TPR: variants seen among roughly 807,000 people sequenced by gnomAD.
TPR encodes the protein translocated promoter region, nuclear basket protein.
Under a neutral mutation model 316.1 loss-of-function variants are expected in TPR, and 51 were observed. The observed-to-expected ratio is 0.16, with a 90% CI of 0.13 to 0.20. The LOEUF (loss-of-function observed/expected upper bound fraction) is 0.20. TPR is among the 10% of genes least tolerant of loss of function. TPR has a pLI of 1.00. For synonymous variants in TPR, 981 were observed against 914.7 expected (o/e 1.07, Z -1.31); for missense variants, 2,272 against 2,754.8 (o/e 0.82, Z 3.92).
intron 9 of TPR, among the ~76,000 whole-genome samples, 161 bp downstream of exon 9, chr1:186,361,461 A>G (rs1198016025): frequency 6.6e-6 from 1 of 151,902 alleles, no homozygotes; most frequent in East Asian, 1.9e-4. Flanking sequence ...TTTGCTTAAG[A>G]TATAATTCTG....
intron 38 of TPR, 138 bp downstream of exon 38, chr1:186,332,057 T>C: frequency 1.2e-6 from 1 of 867,830 alleles, no homozygotes; most frequent in Non-Finnish European, 1.6e-6. Context: ...AGTGGAATCT[T>C]TGTAGAAAGT....
rs1408383826 is a variant in TPR at position 186,344,096 on chromosome 1, A to G, written c.3418-6T>C. On this transcript the variant is annotated splice_region_variant and splice_polypyrimidine_tract_variant and intron_variant, in intron 25 of 50. Transcript: ENST00000367478. Reference sequence around the variant, plus strand: ...ACACATTTGGAAACTTCATCCTGCAAGCCAAGAGTCTATCAGAATAACAGA... The same window carrying G: ...ACACATTTGGAAACTTCATCCTGCAGGCCAAGAGTCTATCAGAATAACAGA... 6.2e-7 allele frequency: 1 copy of G among 1,610,674 alleles called. No homozygotes were observed. Among genetic ancestry groups the G allele is most frequent in the East Asian group, 2.2e-5 (1 of 44,848 alleles).
Position 186,360,863 on chromosome 1 carries a change from G to T in TPR, c.1001C>A (p.Ser334Tyr), listed in dbSNP as rs777546684. ...CATTTCTTTTTCCATTTGATCTTTG[G>T]ATTGCTCCACCTCTAGAAGATGATC... ...IQDHLLEVEQSKDQMEKEMLE... is the reference protein window; with the variant it reads ...IQDHLLEVEQYKDQMEKEMLE... Residue 334 changes from serine to tyrosine, a missense_variant, in exon 10 of 51, where the codon TCC becomes TAC. Physicochemically the swap from Ser to Tyr is moderately radical, Grantham distance 144 (BLOSUM62 -2). This residue lies in a region of TPR where 549 missense variants were observed against 598.6 expected (regional missense o/e 0.92). Transcript: ENST00000367478. The T allele has an allele frequency of 6.2e-7, 1 of 1,612,488 alleles. No homozygotes were observed. The highest frequency in any genetic ancestry group is 8.5e-7 in the Non-Finnish European group (1 of 1,179,154).
intron 46 of TPR, 55 bp downstream of exon 46, chr1:186,320,255 AAT>A: frequency 7.1e-7 from 1 of 1,412,876 alleles, no homozygotes; most frequent in East Asian, 2.4e-5. Flanking sequence ...ATCACATCTT[AAT>A]AGTTTATTAC....
At position 186,312,183 on chromosome 1, in the gene TPR, A is replaced by G; in HGVS notation, c.*1788T>C. 1 of 1,613,804 alleles carries G rather than the reference A, an allele frequency of 6.2e-7. No individual in the cohort carries two copies. Among genetic ancestry groups the G allele is most frequent in the Non-Finnish European group, 8.5e-7 (1 of 1,179,720 alleles). On this transcript the variant is annotated 3_prime_UTR_variant, in exon 51 of 51. Transcript: ENST00000367478. The stretch of plus-strand genomic sequence containing the variant: ...ATTCTAATACATAACAGGTGGCAGC[A>G]TTCAGCAGTATATTTATAAACAGGA...
chr1:186,367,503 A>G (rs1659386163), intron 4 of TPR, among the ~76,000 whole-genome samples: 1 of 152,232 alleles, frequency 6.6e-6, no homozygotes, highest in Non-Finnish European at 1.5e-5. Context: ...TAGGCTGAGT[A>G]TATGTTCTTA....
At chr1:186,345,158 C>T (rs909875301) in intron 24 of TPR, among the ~76,000 whole-genome samples, 2 of 133,774 alleles carry the variant, frequency 1.5e-5, no homozygotes, top group Admixed American at 1.5e-4. Flanking sequence ...ACTTTTTTAA[C>T]ATTTTATAAA....
At chr1:186,314,526 G>T in intron 50 of TPR, 103 bp downstream of exon 50, 1 of 818,058 alleles carries the variant, frequency 1.2e-6, no homozygotes. Context: ...ATAAAACTTT[G>T]GAACATTAAA....
chr1:186,365,804 G>C (rs1386485698), intron 4 of TPR, among the ~76,000 whole-genome samples: 2 of 152,110 alleles, frequency 1.3e-5, no homozygotes, highest in African/African-American at 4.8e-5. Flanking sequence ...AGAGATTGTG[G>C]ATATGGCAAA....
chr1:186,312,866 C>G lies in TPR; in HGVS notation c.*1105G>C. ...CACTGCCCAACATCAGAAAACCTGA[C>G]GGCTATGATTACTATGCCTTTTCTA... is the stretch of plus-strand genomic sequence containing the variant. On this transcript the variant is annotated 3_prime_UTR_variant, in exon 51 of 51. Transcript: ENST00000367478. 1 of 1,612,428 alleles carries G rather than the reference C, an allele frequency of 6.2e-7. No homozygotes were observed. Among genetic ancestry groups the G allele is most frequent in the Non-Finnish European group, 8.5e-7 (1 of 1,178,562 alleles).
At chr1:186,366,106 G>T (rs550138058) in intron 4 of TPR, among the ~76,000 whole-genome samples, 36 of 152,314 alleles carry the variant, frequency 2.4e-4, no homozygotes, top group Middle Eastern at 3.4e-3. Context: ...AGGAAGATTG[G>T]TAATGTATAG....
intron 12 of TPR, among the ~76,000 whole-genome samples, chr1:186,359,519 C>T (rs546717972): frequency 1.3e-5 from 2 of 151,838 alleles, no homozygotes; most frequent in South Asian, 4.2e-4. Context: ...GGAGATTTGG[C>T]TATTATTCTC....
intron 18 of TPR, among the ~76,000 whole-genome samples, 169 bp from the exon 19 acceptor site, chr1:186,352,279 C>T (rs1430371373): frequency 2.6e-5 from 4 of 151,622 alleles, no homozygotes; most frequent in African/African-American, 4.8e-5. Flanking sequence ...TGCTAAAATA[C>T]GAAGCAAAAA....
chr1:186,341,764 C>CCCT (rs1658510303), intron 27 of TPR: 1 of 162,210 alleles, frequency 6.2e-6, no homozygotes, highest in African/African-American at 2.4e-5. Context: ...TCAGAAATCT[C>CCCT]TCATTTTGAT....
Position 186,335,431 on chromosome 1 carries a change from A to T in TPR, c.4818T>A (p.Tyr1606Ter). ...TTTCCAAGCGACTAATTCGACCTTC[A>T]TATTGGGACTTTAGCGCAGTAATGC... ...DVRITALKSQ[Y>*]EGRISRLERE... The change falls in exon 34 of 51, where the codon TAT becomes TAA. Residue 1606 changes from tyrosine (Y) to a stop codon, truncating the protein, a stop_gained. Coordinates refer to ENST00000367478, the MANE Select transcript of TPR (RefSeq NM_003292.3). LOFTEE classifies it high-confidence loss of function. 6.2e-7 allele frequency: 1 copy of T among 1,613,834 alleles called. No individual in the cohort carries two copies. Among genetic ancestry groups the T allele is most frequent in the Non-Finnish European group, 8.5e-7 (1 of 1,179,792 alleles).
chr1:186,370,840 T>C (rs1335508949), intron 3 of TPR, 130 bp downstream of exon 3: 13 of 643,852 alleles, frequency 2.0e-5, no homozygotes. Flanking sequence ...TACATATTTT[T>C]GTTGGTAGCT....
At chr1:186,349,260 G>A (rs1217035756) in intron 21 of TPR, among the ~76,000 whole-genome samples, 1 of 152,188 alleles carries the variant, frequency 6.6e-6, no homozygotes, top group Non-Finnish European at 1.5e-5. Context: ...TACTGAAGTA[G>A]TTTCTACTGA....
chr1:186,336,246 A>G (rs1483270372), intron 33 of TPR, among the ~76,000 whole-genome samples: 1 of 152,190 alleles, frequency 6.6e-6, no homozygotes, highest in Non-Finnish European at 1.5e-5. Context: ...AAGCAGAAGG[A>G]TAGCAGTATT....
Position 186,355,691 on chromosome 1 carries a change from G to T in TPR, c.1966C>A (p.Pro656Thr). 6.2e-7 allele frequency: 1 copy of T among 1,614,114 alleles called. No homozygotes were observed. Among genetic ancestry groups the T allele is most frequent in the Non-Finnish European group, 8.5e-7 (1 of 1,180,014 alleles). Residue 656 changes from proline (P) to threonine (T), a missense_variant, in exon 16 of 51, where the codon CCA becomes ACA. By Grantham distance (38) the Pro-to-Thr change is conservative (BLOSUM62 -1). This residue lies in a region of TPR where 757 missense variants were observed against 859.8 expected (regional missense o/e 0.88). Transcript: ENST00000367478. Reference protein sequence around the residue: ...STSQTVSTPAPVPVIESTEAI... With the variant: ...STSQTVSTPATVPVIESTEAI... ...TCTGTTGATTCAATAACAGGTACTG[G>T]AGCAGGAGTGGAAACAGTCTGTGAT...
Sources: allele counts gnomAD v4.1 joint callset (sites outside exome capture counted in the v4.1 genomes callset), GRCh38; gene constraint gnomAD v4.1.1; regional missense constraint gnomAD v4.1.1; transcripts MANE v1.5; gene names NCBI Gene and HGNC (gene_info 2026-07-23, HGNC 2026-07-21).